The following ATF2 variants were observed in gnomAD, a reference collection of about 807,000 sequenced individuals.
ATF2 encodes the protein cyclic AMP-dependent transcription factor ATF-2.
ATF2 carries 24 observed loss-of-function variants against 60.6 expected under a neutral mutation model. That is an observed-to-expected ratio of 0.40 (90% CI 0.29 to 0.56). The LOEUF (loss-of-function observed/expected upper bound fraction) is 0.56. Ranked by LOEUF, ATF2 falls within the 20% of genes least tolerant of loss-of-function variation. The probability of loss-of-function intolerance (pLI) is 0.54; values close to 1 mark genes in which losing one functional copy is unlikely to be tolerated. For synonymous variants in ATF2, 206 were observed against 215.4 expected (o/e 0.96, Z 0.38); for missense variants, 433 against 607.7 (o/e 0.71, Z 3.02).
chr2:175,154,845 T>C (rs143555968), intron 1 of ATF2, among the ~76,000 whole-genome samples: 1 of 152,328 alleles, frequency 6.6e-6, no homozygotes, highest in African/African-American at 2.4e-5. Flanking sequence ...AATTTCCTGG[T>C]AAGAGCCAAA....
chr2:175,126,385 G>C (rs928516829), intron 4 of ATF2, among the ~76,000 whole-genome samples: 2 of 151,994 alleles, frequency 1.3e-5, no homozygotes, highest in Non-Finnish European at 2.9e-5. Context: ...GGGAATTATG[G>C]ATAAGACAAA....
chr2:175,133,467 T>C (rs1697896083), intron 3 of ATF2, among the ~76,000 whole-genome samples: 2 of 152,206 alleles, frequency 1.3e-5, no homozygotes, highest in African/African-American at 4.8e-5. Context: ...ATAATAATTA[T>C]GTAATATTCC....
intron 11 of ATF2, among the ~76,000 whole-genome samples, chr2:175,094,102 T>C (rs547538238): frequency 9.2e-5 from 14 of 152,090 alleles, no homozygotes; most frequent in South Asian, 4.1e-4. Flanking sequence ...TGTCAAAAAA[T>C]GAACTCTTGG....
At chr2:175,074,914 TA>T (rs1693188191) in intron 13 of ATF2, 79 bp from the exon 14 acceptor site, 1 of 1,570,340 alleles carries the variant, frequency 6.4e-7, no homozygotes, top group South Asian at 1.2e-5. Context: ...ATACACAGAG[TA>T]AAAAGTTAGA....
intron 12 of ATF2, among the ~76,000 whole-genome samples, chr2:175,082,738 T>C (rs558680479): frequency 6.6e-6 from 1 of 152,312 alleles, no homozygotes; most frequent in South Asian, 2.1e-4. Context: ...GTTTGAACCA[T>C]ATGAAATAAC....
intron 1 of ATF2, among the ~76,000 whole-genome samples, chr2:175,154,251 A>ATTTTTT (rs1553515967): frequency 6.7e-6 from 1 of 148,892 alleles, no homozygotes; most frequent in African/African-American, 2.5e-5. Context: ...ATATATATAT[A>ATTTTTT]TTTTTTACTT....
intron 4 of ATF2, among the ~76,000 whole-genome samples, chr2:175,128,265 C>T (rs2788520): frequency 0.74 from 112,403 of 152,118 alleles, 42,510 homozygotes; most frequent in East Asian, 0.87. Flanking sequence ...CTTTGGGAGG[C>T]CGAGGCAGGC....
chr2:175,086,177 A>G (rs543554022), intron 12 of ATF2, among the ~76,000 whole-genome samples: 1 of 152,292 alleles, frequency 6.6e-6, no homozygotes, highest in Admixed American at 6.5e-5. Context: ...TTTCCTAATG[A>G]TGATTCTGAA....
chr2:175,157,197 C>G (rs995562425), intron 1 of ATF2, among the ~76,000 whole-genome samples: 1 of 152,302 alleles, frequency 6.6e-6, no homozygotes, highest in South Asian at 2.1e-4. Flanking sequence ...TTTGTCTCCT[C>G]ACAGTATTAA....
At chr2:175,084,426 T>C (rs910130888) in intron 12 of ATF2, among the ~76,000 whole-genome samples, 3 of 136,338 alleles carry the variant, frequency 2.2e-5, no homozygotes, top group East Asian at 4.3e-4. Flanking sequence ...TTCTCACTCA[T>C]AGATGGGAAC....
chr2:175,115,357 G>A (rs755290802), intron 7 of ATF2, among the ~76,000 whole-genome samples: 2 of 152,066 alleles, frequency 1.3e-5, no homozygotes, highest in Non-Finnish European at 2.9e-5. Flanking sequence ...GTTAATTCCA[G>A]TTAGCTACCT....
intron 8 of ATF2, chr2:175,114,374 T>A: frequency 7.9e-7 from 1 of 1,259,940 alleles, no homozygotes; most frequent in Non-Finnish European, 1.0e-6. Context: ...ATCAGAGAGC[T>A]CTTGGGAGCT....
chr2:175,118,085 T>C lies in ATF2; in HGVS notation c.352A>G (p.Ile118Val), dbSNP rs749040701. The C allele has an allele frequency of 7.4e-6, 12 of 1,611,788 alleles. No individual in the cohort carries two copies. The highest frequency in any genetic ancestry group is 3.3e-5 in the South Asian group (3 of 90,988). ...PLDLSPLATP[I>V]IRSKIEEPSV... ...GGCTCCTCAATTTTGCTTCTTATGATAGGTGTTGCAAGAGGGGATAAATCT... is the reference window on the plus strand; with the variant it reads ...GGCTCCTCAATTTTGCTTCTTATGACAGGTGTTGCAAGAGGGGATAAATCT... Residue 118 changes from isoleucine to valine, a missense_variant, in exon 7 of 14, where the codon ATC becomes GTC. Physicochemically the swap from Ile to Val is conservative, Grantham distance 29 (BLOSUM62 3). Coordinates refer to ENST00000264110, the MANE Select transcript of ATF2 (RefSeq NM_001880.4).
chr2:175,119,427 T>G (rs1239873781), intron 5 of ATF2, among the ~76,000 whole-genome samples: 1 of 151,546 alleles, frequency 6.6e-6, no homozygotes, highest in African/African-American at 2.4e-5. Context: ...TTAACCATTA[T>G]GTCCCCACAG....
intron 12 of ATF2, among the ~76,000 whole-genome samples, chr2:175,086,283 C>T (rs1461963339): frequency 3.3e-5 from 5 of 152,012 alleles, no homozygotes; most frequent in South Asian, 4.1e-4. Flanking sequence ...GATGGTATCA[C>T]CACTAGATTA....
chr2:175,162,829 G>A (rs1052960685), intron 1 of ATF2, among the ~76,000 whole-genome samples: 1 of 152,060 alleles, frequency 6.6e-6, no homozygotes, highest in African/African-American at 2.4e-5. Context: ...AAATTGTTCC[G>A]ACACGTTTAA....
intron 13 of ATF2, among the ~76,000 whole-genome samples, chr2:175,076,506 C>T (rs1464232879): frequency 6.6e-6 from 1 of 152,008 alleles, no homozygotes; most frequent in Non-Finnish European, 1.5e-5. Context: ...AACCTATCAC[C>T]AAAATAGTGA....
At chr2:175,133,088 C>CAA (rs796108304) in intron 3 of ATF2, among the ~76,000 whole-genome samples, 3 of 123,836 alleles carry the variant, frequency 2.4e-5, no homozygotes, top group Non-Finnish European at 3.5e-5. Context: ...GACTCTGTCT[C>CAA]AAAAAAAAAA....
At chr2:175,088,822 T>C (rs1694345853) in intron 12 of ATF2, among the ~76,000 whole-genome samples, 1 of 150,830 alleles carries the variant, frequency 6.6e-6, no homozygotes, top group Non-Finnish European at 1.5e-5. Flanking sequence ...AAGACAAAGC[T>C]ATAAACAGGT....
Sources: allele counts gnomAD v4.1 joint callset (sites outside exome capture counted in the v4.1 genomes callset), GRCh38; gene constraint gnomAD v4.1.1; transcripts MANE v1.5; gene names NCBI Gene and HGNC (gene_info 2026-07-23, HGNC 2026-07-21).